The following YWHAQ variants were observed in gnomAD, a reference collection of about 807,000 sequenced individuals.
YWHAQ encodes tyrosine 3-monooxygenase/tryptophan 5-monooxygenase activation protein theta, also known as 14-3-3 protein theta.
Under a neutral mutation model 28.3 loss-of-function variants are expected in YWHAQ, and 6 were observed. That is an observed-to-expected ratio of 0.21 (90% CI 0.12 to 0.42). The LOEUF is 0.42. YWHAQ is among the 10% of genes least tolerant of loss of function. The pLI, the probability that YWHAQ is intolerant of heterozygous loss-of-function variation, is 1.00. For synonymous variants in YWHAQ, 143 were observed against 119.1 expected (o/e 1.20, Z -1.31); for missense variants, 201 against 305.6 (o/e 0.66, Z 2.55).
intron 3 of YWHAQ, among the ~76,000 whole-genome samples, chr2:9,591,088 C>T (rs1156723885): frequency 3.3e-5 from 5 of 152,154 alleles, no homozygotes; most frequent in Admixed American, 3.3e-4. Context: ...ACACAAAAAA[C>T]TCTGGAGCTA....
chr2:9,621,339 G>A (rs913821734), intron 2 of YWHAQ, among the ~76,000 whole-genome samples: 1 of 152,124 alleles, frequency 6.6e-6, no homozygotes, highest in African/African-American at 2.4e-5. Context: ...GATCAATACC[G>A]TTCTATACAT....
At chr2:9,624,778 G>A (rs574630411) in intron 2 of YWHAQ, among the ~76,000 whole-genome samples, 3 of 150,868 alleles carry the variant, frequency 2.0e-5, no homozygotes, top group Admixed American at 6.6e-5. Flanking sequence ...CAAGAGTTTC[G>A]CTCTGTCGCC....
intron 2 of YWHAQ, among the ~76,000 whole-genome samples, chr2:9,615,052 A>C (rs1667018075): frequency 6.6e-6 from 1 of 152,210 alleles, no homozygotes; most frequent in Non-Finnish European, 1.5e-5. Flanking sequence ...GGAAAAAATA[A>C]AGATGAAGTC....
At chr2:9,599,854 T>G (rs181158069) in intron 2 of YWHAQ, among the ~76,000 whole-genome samples, 411 of 152,346 alleles carry the variant, frequency 2.7e-3, no homozygotes, top group Admixed American at 6.5e-3. Context: ...TGGAATTATT[T>G]AAGAAATACA....
chr2:9,608,424 G>T (rs2125068895), intron 2 of YWHAQ, among the ~76,000 whole-genome samples: 1 of 152,200 alleles, frequency 6.6e-6, no homozygotes, highest in East Asian at 1.9e-4. Context: ...CTGGGTTTTT[G>T]GGGGTGCAGT....
At chr2:9,588,073 CT>C (rs1558540429) in intron 4 of YWHAQ, 91 bp downstream of exon 4, 7 of 1,403,998 alleles carry the variant, frequency 5.0e-6, no homozygotes, top group Non-Finnish European at 6.6e-6. Context: ...GAAATCATCC[CT>C]GGGTATCCAA....
At chr2:9,596,295 A>C (rs926695512) in intron 2 of YWHAQ, among the ~76,000 whole-genome samples, 20 of 152,222 alleles carry the variant, frequency 1.3e-4, no homozygotes, top group African/African-American at 4.8e-4. Context: ...ACTATTGTAT[A>C]AAACAATCCT....
chr2:9,622,743 G>T (rs1021289076), intron 2 of YWHAQ, among the ~76,000 whole-genome samples: 1 of 152,076 alleles, frequency 6.6e-6, no homozygotes, highest in Non-Finnish European at 1.5e-5. Flanking sequence ...GAAGTCCTAG[G>T]TATTATCATC....
intron 4 of YWHAQ, 110 bp from the exon 5 acceptor site, chr2:9,587,619 C>T: frequency 1.1e-6 from 1 of 870,746 alleles, no homozygotes; most frequent in Non-Finnish European, 1.7e-6. Context: ...TATGTTCTAC[C>T]ATCAACAAAC....
chr2:9,588,926 C>A (rs1163893571), intron 3 of YWHAQ, among the ~76,000 whole-genome samples: 2 of 151,992 alleles, frequency 1.3e-5, no homozygotes, highest in East Asian at 3.9e-4. Context: ...CTGGGCAACA[C>A]AGGGAGATCT....
At chr2:9,591,959 C>G (rs966120260) in intron 2 of YWHAQ, among the ~76,000 whole-genome samples, 3 of 152,186 alleles carry the variant, frequency 2.0e-5, no homozygotes, top group Non-Finnish European at 4.4e-5. Flanking sequence ...AGGAAGCACA[C>G]AGATGGAGTA....
chr2:9,609,214 G>A (rs553818909), intron 2 of YWHAQ, among the ~76,000 whole-genome samples: 1 of 152,216 alleles, frequency 6.6e-6, no homozygotes, highest in Non-Finnish European at 1.5e-5. Context: ...AAGAAAAACA[G>A]AAGCCAGGAG....
At chr2:9,609,412 G>C (rs987050349) in intron 2 of YWHAQ, among the ~76,000 whole-genome samples, 3 of 152,098 alleles carry the variant, frequency 2.0e-5, no homozygotes, top group Non-Finnish European at 4.4e-5. Flanking sequence ...AAAAAAAGTG[G>C]AAAAATTATA....
chr2:9,584,266 AT>A lies in YWHAQ; in HGVS notation c.*1019del, dbSNP rs540708954. ...TGCAATTGTTACAAAGCCATAGTAA[AT>A]GGTTTATAAAATGTACTTTTATTTT... On this transcript the variant is annotated 3_prime_UTR_variant, in exon 6 of 6. Transcript: ENST00000238081. The A allele has an allele frequency of 2.9e-4, 44 of 152,742 alleles. No homozygotes were observed. Among genetic ancestry groups the A allele is most frequent in the Admixed American group, 1.2e-3 (19 of 15,300 alleles). 9.5% of individuals were successfully genotyped at this position (152,742 alleles called of 1,614,324 possible).
In YWHAQ at chr2:9,588,251, T is replaced by C. The variant is rs200884745; in HGVS notation, c.496A>G (p.Ile166Val). The C allele has an allele frequency of 6.8e-6, 11 of 1,609,054 alleles. No individual in the cohort carries two copies. Among genetic ancestry groups the C allele is most frequent in the Admixed American group, 5.1e-5 (3 of 58,312 alleles). ...SKKEMQPTHP[I>V]RLGLALNFSV... ...AAGTTAAGAGCAAGCCCCAGGCGGA[T>C]TGGGTGTGTGGGTTGCATCTCTTTC... The change falls in exon 4 of 6, where the codon ATC becomes GTC. Residue 166 changes from isoleucine (I) to valine (V), a missense_variant. Ile to Val is a conservative substitution (Grantham distance 29). This residue lies in a region of YWHAQ where 162 missense variants were observed against 213.9 expected (regional missense o/e 0.76). Coordinates refer to ENST00000238081, the MANE Select transcript of YWHAQ (RefSeq NM_006826.4).
rs368512939 is a variant in YWHAQ, at chr2:9,630,137, G to T, written c.294+22C>A. On this transcript the variant is annotated intron_variant, in intron 2 of 5. Transcript: ENST00000238081. This position sits in a 1 kb window ranked among gnomAD's most constrained non-coding sequence, Gnocchi z 5.6. ...AAGCATCTCACAAAAGGCCTCCCCT[G>T]CTCCCCGCGCCGAGGACTCACCAGC... 2 of 1,599,646 alleles carry T rather than the reference G, an allele frequency of 1.3e-6. No individual in the cohort carries two copies. Among genetic ancestry groups the T allele is most frequent in the South Asian group, 1.1e-5 (1 of 90,666 alleles).
At chr2:9,608,296 T>C (rs965814240) in intron 2 of YWHAQ, among the ~76,000 whole-genome samples, 2 of 152,030 alleles carry the variant, frequency 1.3e-5, no homozygotes, top group Admixed American at 6.6e-5. Context: ...AGGCGCTAGA[T>C]AGGAGGAAAG....
rs1005194282 is a variant in YWHAQ, at chr2:9,625,672, C to T, written c.294+4487G>A. 3.3e-5 allele frequency among the ~76,000 whole-genome samples: 5 copies of T among 152,206 alleles called. No homozygotes were observed. In the South Asian group the frequency reaches 1.0e-3, roughly 32 times the overall value. ...CTCAACTCTGAAACAGAGATACTATCAACCTACCTTAGGGGAGCAAAGTGA... is the reference window on the plus strand; with the variant it reads ...CTCAACTCTGAAACAGAGATACTATTAACCTACCTTAGGGGAGCAAAGTGA... On this transcript the variant is annotated intron_variant, in intron 2 of 5. Transcript: ENST00000238081.
intron 4 of YWHAQ, among the ~76,000 whole-genome samples, chr2:9,587,734 C>T: frequency 6.6e-6 from 1 of 152,192 alleles, no homozygotes; most frequent in Non-Finnish European, 1.5e-5. Flanking sequence ...GGTTCTTTCA[C>T]AGGACAACGG....
Sources: gnomAD v4.1 joint callset for allele counts (sites outside exome capture counted in the v4.1 genomes callset) on GRCh38, gnomAD v4.1.1 for gene constraint, gnomAD v4.1.1 regional missense constraint, Gnocchi (gnomAD v3.1) non-coding constraint, MANE v1.5 for transcripts, NCBI Gene and HGNC (gene_info 2026-07-23, HGNC 2026-07-21) for gene names.